The following KAZN variants were observed in gnomAD, a reference collection of about 807,000 sequenced individuals.
The protein encoded by KAZN is kazrin, periplakin interacting protein, also known as kazrin.
A neutral mutation model predicts 87.4 loss-of-function variants in KAZN; 40 were observed. That is an observed-to-expected ratio of 0.46 (90% CI 0.36 to 0.60). The LOEUF (loss-of-function observed/expected upper bound fraction) is 0.60, where lower values mean the gene tolerates loss of function less well. Ranked by LOEUF, KAZN falls within the 20% of genes least tolerant of loss-of-function variation. KAZN has a pLI of 0.00. For synonymous variants in KAZN, 466 were observed against 458.3 expected, an observed-to-expected ratio of 1.02 and a Z score of -0.22; for missense variants, 898 against 1,073.9, an observed-to-expected ratio of 0.84 and a Z score of 2.29.
At chr1:14,294,221 G>A (rs538631930) in intron 2 of KAZN, among the ~76,000 whole-genome samples, 24 of 152,258 alleles carry the variant, frequency 1.6e-4, no homozygotes, top group African/African-American at 5.3e-4. Context: ...TGCCTTGTGT[G>A]TCACTGATGC....
intron 1 of KAZN, among the ~76,000 whole-genome samples, chr1:14,601,992 A>G (rs968171463): frequency 6.6e-6 from 1 of 152,114 alleles, no homozygotes; most frequent in Non-Finnish European, 1.5e-5. Context: ...TTCATTTTCA[A>G]ATGTTTTTGT....
intron 2 of KAZN, among the ~76,000 whole-genome samples, chr1:14,425,547 G>A (rs1665674035): frequency 6.6e-6 from 1 of 152,194 alleles, no homozygotes; most frequent in South Asian, 2.1e-4. Flanking sequence ...CCTGGCAACT[G>A]GTTATGCATG....
At position 15,084,846 on chromosome 1, in the gene KAZN, G is replaced by A. The variant is rs565481499; in HGVS notation, c.1223-9334G>A. On this transcript the variant is annotated intron_variant, in intron 8 of 14. Coordinates refer to ENST00000376030, the MANE Select transcript of KAZN (RefSeq NM_201628.3). ...ATGTGTTCAGCATGAGTGAAAGTCA[G>A]CAAAAACAAATAGCAAATTTAGACC... 4.6e-5 allele frequency among the ~76,000 whole-genome samples: 7 copies of A among 152,280 alleles called. No individual in the cohort carries two copies. In the East Asian group the frequency reaches 1.4e-3, roughly 29 times the overall value.
intron 2 of KAZN, among the ~76,000 whole-genome samples, chr1:14,186,387 G>T (rs1251876282): frequency 6.6e-6 from 1 of 152,182 alleles, no homozygotes; most frequent in South Asian, 2.1e-4. Context: ...CATTAACAGG[G>T]ATACACTTAA....
intron 2 of KAZN, among the ~76,000 whole-genome samples, chr1:14,346,644 T>A (rs540341487): frequency 2.6e-5 from 4 of 152,194 alleles, no homozygotes; most frequent in African/African-American, 9.6e-5. Flanking sequence ...GGTACTTAGA[T>A]GTTAGGATGA....
In KAZN at chr1:14,130,641, T is replaced by G. The variant is rs573459013; in HGVS notation, c.92-49794T>G. Among the ~76,000 whole-genome samples the G allele has an allele frequency of 2.0e-5, 3 of 152,246 alleles. No homozygotes were observed. In the South Asian group the frequency reaches 6.2e-4, roughly 32 times the overall value. Reference sequence around the variant, plus strand: ...TGTCCTGAGTAAAAGTAGTCCTTATTTTAGTAACCAGAAAGCTGTGAATCC... The same window carrying G: ...TGTCCTGAGTAAAAGTAGTCCTTATGTTAGTAACCAGAAAGCTGTGAATCC... On this transcript the variant is annotated intron_variant, in intron 1 of 16. Transcript: ENST00000636203.
At chr1:14,187,084 T>C (rs1646324343) in intron 2 of KAZN, among the ~76,000 whole-genome samples, 1 of 152,160 alleles carries the variant, frequency 6.6e-6, no homozygotes, top group African/African-American at 2.4e-5. Flanking sequence ...GGTATTATTA[T>C]CTCTATTTTG....
At chr1:14,443,163 T>C (rs1413514920) in intron 2 of KAZN, among the ~76,000 whole-genome samples, 1 of 152,150 alleles carries the variant, frequency 6.6e-6, no homozygotes, top group Non-Finnish European at 1.5e-5. Context: ...TCCCAAGTAA[T>C]ATATTAAAAG....
At chr1:13,940,993 G>A (rs112319739) in intron 1 of KAZN, among the ~76,000 whole-genome samples, 4,806 of 152,134 alleles carry the variant, frequency 0.032, 224 homozygotes, top group African/African-American at 0.11. Flanking sequence ...TCAGGAGTTC[G>A]AGACCAGCTT....
chr1:14,875,495 A>G (rs1652670487), intron 1 of KAZN, among the ~76,000 whole-genome samples: 1 of 150,978 alleles, frequency 6.6e-6, no homozygotes, highest in Non-Finnish European at 1.5e-5. Context: ...AAAAAAAAAA[A>G]AAGAAAAAAG....
At chr1:14,658,407 G>C (rs1638932560) in intron 1 of KAZN, among the ~76,000 whole-genome samples, 1 of 152,168 alleles carries the variant, frequency 6.6e-6, no homozygotes, top group Non-Finnish European at 1.5e-5. Flanking sequence ...CTGAGCCTCA[G>C]TTCCTCTATC....
At chr1:14,003,661 T>C (rs1639912200) in intron 1 of KAZN, among the ~76,000 whole-genome samples, 1 of 152,164 alleles carries the variant, frequency 6.6e-6, no homozygotes, top group Admixed American at 6.5e-5. Flanking sequence ...GCTGCCAAGT[T>C]AACTGGCTAT....
chr1:14,547,053 T>G (rs376076328), intron 2 of KAZN, among the ~76,000 whole-genome samples: 1 of 152,208 alleles, frequency 6.6e-6, no homozygotes, highest in African/African-American at 2.4e-5. Context: ...TGGCTCCCAG[T>G]CAGAGAATTA....
intron 2 of KAZN, among the ~76,000 whole-genome samples, chr1:14,368,314 C>T (rs1660181241): frequency 6.6e-6 from 1 of 152,118 alleles, no homozygotes; most frequent in African/African-American, 2.4e-5. Context: ...CGGGATGCAT[C>T]CCTGAGAGCC....
rs1653612103 is a variant in KAZN at position 14,290,655 on chromosome 1, C to CA, written c.249+110063_249+110064insA. 2.0e-5 allele frequency among the ~76,000 whole-genome samples: 3 copies of CA among 152,122 alleles called. No individual in the cohort carries two copies. The South Asian group carries it at 6.2e-4, about 31-fold the overall frequency. On this transcript the variant is annotated intron_variant, in intron 2 of 16. Transcript: ENST00000636203. ...TTCAGCTTGGAGAAGTTTGTTATTA[C>CA]CGACCTTGTGAAGCCTACTTCTGTC...
intron 1 of KAZN, among the ~76,000 whole-genome samples, chr1:14,653,883 G>A (rs900875288): frequency 5.8e-4 from 88 of 152,232 alleles, no homozygotes; most frequent in African/African-American, 1.9e-3. Context: ...ATACTTCTCT[G>A]TTGCGTGGGG....
intron 2 of KAZN, among the ~76,000 whole-genome samples, chr1:14,384,886 G>C (rs1249296569): frequency 2.6e-5 from 4 of 151,852 alleles, no homozygotes; most frequent in Non-Finnish European, 4.4e-5. Flanking sequence ...GTTTCAGAAG[G>C]AATGGTACCA....
At chr1:14,691,772 C>A (rs190465577) in intron 1 of KAZN, among the ~76,000 whole-genome samples, 118 of 152,250 alleles carry the variant, frequency 7.8e-4, no homozygotes, top group Middle Eastern at 6.8e-3. Flanking sequence ...CAGACGTAAT[C>A]CAAACAACCT....
chr1:14,660,541 C>CTCTCTTTTT (rs1553205034), intron 1 of KAZN, among the ~76,000 whole-genome samples: 12 of 76,008 alleles, frequency 1.6e-4, no homozygotes, highest in African/African-American at 6.4e-4. Context: ...CTCTCTCTCT[C>CTCTCTTTTT]TTTTTTTTTT....
Sources: allele counts gnomAD v4.1 joint callset (sites outside exome capture counted in the v4.1 genomes callset), GRCh38; gene constraint gnomAD v4.1.1; transcripts MANE v1.5; gene names NCBI Gene and HGNC (gene_info 2026-07-23, HGNC 2026-07-21).